The following UBE2D2 variants were observed in gnomAD, a reference collection of about 807,000 sequenced individuals.
UBE2D2 encodes ubiquitin-conjugating enzyme E2 D2.
In UBE2D2, 2 loss-of-function variants were observed where a neutral mutation model predicts 24.2. The ratio of observed to expected loss-of-function variants is 0.08; its 90% CI spans 0.03 to 0.26. UBE2D2 has a LOEUF of 0.26. Ranked by LOEUF, UBE2D2 falls within the 10% of genes least tolerant of loss-of-function variation. The pLI, the probability that UBE2D2 is intolerant of heterozygous loss-of-function variation, is 1.00. For synonymous variants in UBE2D2, 58 were observed against 56.5 expected (o/e 1.03, Z -0.12); for missense variants, 44 against 177.6 (o/e 0.25, Z 4.28).
At chr5:139,623,548 GC>G in intron 6 of UBE2D2, 87 bp downstream of exon 6, 2 of 1,095,876 alleles carry the variant, frequency 1.8e-6, no homozygotes, top group Non-Finnish European at 2.7e-6. Context: ...CTGAATATCG[GC>G]CAGATATTTA....
At chr5:139,555,721 G>GA (rs1752972425) in intron 1 of UBE2D2, among the ~76,000 whole-genome samples, 1 of 151,164 alleles carries the variant, frequency 6.6e-6, no homozygotes, top group Non-Finnish European at 1.5e-5. Flanking sequence ...GAGGTCAAGA[G>GA]ATAGAGATCA....
In UBE2D2 at chr5:139,573,301, C is replaced by CA. The variant is rs1051847278; in HGVS notation, c.24+11497dup. ...TGGACGACAGAGCGAAACTCCATCT[C>CA]AAAAAAAAAAAGAAAAAAAAAAAAG... On this transcript the variant is annotated intron_variant, in intron 1 of 6. Transcript: ENST00000398733. 7.4e-3 allele frequency among the ~76,000 whole-genome samples: 700 copies of CA among 94,910 alleles called. 4 individuals carry two copies. The highest frequency in any genetic ancestry group is 0.027 in the Middle Eastern group (4 of 150). 62.3% of individuals were successfully genotyped at this position (94,910 alleles called of 152,430 possible).
chr5:139,561,667 C>A lies in UBE2D2; in HGVS notation c.-125C>A. On this transcript the variant is annotated 5_prime_UTR_variant, in exon 1 of 7. Transcript: ENST00000398733. ...CAGCCCGTCCCGCCGGACCCGCTTT[C>A]CTCAACTCTCCATCTTCTCCTGCCG... 1.4e-6 allele frequency: 1 copy of A among 703,336 alleles called. No homozygotes were observed. Among genetic ancestry groups the A allele is most frequent in the Non-Finnish European group, 2.2e-6 (1 of 460,038 alleles). The allele number at this position is 703,336 out of a possible 1,614,324, so 43.6% of individuals were successfully genotyped here.
chr5:139,527,807 C>T (rs780489634), intron 1 of UBE2D2, among the ~76,000 whole-genome samples: 1 of 152,176 alleles, frequency 6.6e-6, no homozygotes, highest in Admixed American at 6.5e-5. Context: ...AATAAGGCCT[C>T]CTGTGTACTA....
At chr5:139,555,159 C>T (rs1752964725) in intron 1 of UBE2D2, among the ~76,000 whole-genome samples, 1 of 151,916 alleles carries the variant, frequency 6.6e-6, no homozygotes, top group South Asian at 2.1e-4. Flanking sequence ...GATTCTCCTG[C>T]CTCAGCCCCT....
At chr5:139,595,886 T>G (rs1257930165) in intron 1 of UBE2D2, among the ~76,000 whole-genome samples, 1 of 143,634 alleles carries the variant, frequency 7.0e-6, no homozygotes, top group Non-Finnish European at 1.5e-5. Flanking sequence ...TTTTTTGTTT[T>G]TTGTTGTTTT....
At chr5:139,599,326 T>C (rs549501984) in intron 1 of UBE2D2, among the ~76,000 whole-genome samples, 1 of 152,166 alleles carries the variant, frequency 6.6e-6, no homozygotes, top group African/African-American at 2.4e-5. Flanking sequence ...TGGTCCAGTA[T>C]AATTTTGGAA....
At chr5:139,573,636 A>T (rs1753400385) in intron 1 of UBE2D2, among the ~76,000 whole-genome samples, 1 of 151,962 alleles carries the variant, frequency 6.6e-6, no homozygotes, top group Non-Finnish European at 1.5e-5. Context: ...TAATACGACT[A>T]CTTGGGCTTA....
At chr5:139,538,696 C>T (rs1752717724) in intron 1 of UBE2D2, among the ~76,000 whole-genome samples, 1 of 151,936 alleles carries the variant, frequency 6.6e-6, no homozygotes, top group South Asian at 2.1e-4. Context: ...CATGGAAAAA[C>T]CCTGTCTCTA....
Position 139,561,741 on chromosome 5 carries a change from C to CG in UBE2D2, c.-51_-50insG. The stretch of plus-strand genomic sequence containing the variant: ...AGGCTCCCTAGCCCCTTCCCCGTCC[C>CG]TTCCCCGCCCCCGTCCCCGCCCCGG... On this transcript the variant is annotated 5_prime_UTR_variant, in exon 1 of 7. Coordinates refer to ENST00000398733, the MANE Select transcript of UBE2D2 (RefSeq NM_003339.3). 47 of 1,405,844 alleles carry CG rather than the reference C, an allele frequency of 3.3e-5. No individual in the cohort carries two copies. The highest frequency in any genetic ancestry group is 3.8e-5 in the Non-Finnish European group (40 of 1,057,488). 87.1% of individuals were successfully genotyped at this position (1,405,844 alleles called of 1,614,324 possible).
chr5:139,573,794 C>G (rs1753404231), intron 1 of UBE2D2, among the ~76,000 whole-genome samples: 1 of 151,848 alleles, frequency 6.6e-6, no homozygotes, highest in Non-Finnish European at 1.5e-5. Flanking sequence ...ACGGGGAAAC[C>G]CCATCTCCAC....
At chr5:139,601,685 C>A (rs1386319946) in intron 2 of UBE2D2, among the ~76,000 whole-genome samples, 1 of 151,724 alleles carries the variant, frequency 6.6e-6, no homozygotes, top group Non-Finnish European at 1.5e-5. Context: ...CCGAGGCGGG[C>A]GGATCACGAG....
chr5:139,532,353 A>ATT (rs746107839), intron 1 of UBE2D2, among the ~76,000 whole-genome samples: 3 of 81,244 alleles, frequency 3.7e-5, no homozygotes, highest in Non-Finnish European at 2.6e-5. Flanking sequence ...TAGTTTTCGT[A>ATT]TTTTTTTTTT....
intron 1 of UBE2D2, among the ~76,000 whole-genome samples, chr5:139,584,521 TTC>T (rs1753676895): frequency 1.5e-5 from 2 of 132,806 alleles, no homozygotes; most frequent in Admixed American, 7.2e-5. Flanking sequence ...TTTTTCTTTT[TTC>T]TTTTCTTTTC....
intron 1 of UBE2D2, among the ~76,000 whole-genome samples, chr5:139,545,618 G>A (rs1752817683): frequency 6.6e-6 from 1 of 151,160 alleles, no homozygotes; most frequent in South Asian, 2.1e-4. Context: ...TAGAGACAGA[G>A]TTTCACCATC....
intron 2 of UBE2D2, among the ~76,000 whole-genome samples, chr5:139,614,316 A>T (rs887271976): frequency 6.6e-6 from 1 of 151,926 alleles, no homozygotes; most frequent in African/African-American, 2.4e-5. Context: ...CAGTCCTCTC[A>T]CCTCAGCTTC....
intron 1 of UBE2D2, among the ~76,000 whole-genome samples, chr5:139,529,423 T>G (rs1176284630): frequency 6.6e-6 from 1 of 152,112 alleles, no homozygotes; most frequent in Non-Finnish European, 1.5e-5. Context: ...GTTCTCTAGA[T>G]TGGAAAAAAA....
chr5:139,547,044 A>G (rs1752840431), intron 1 of UBE2D2, among the ~76,000 whole-genome samples: 1 of 151,590 alleles, frequency 6.6e-6, no homozygotes, highest in South Asian at 2.1e-4. Flanking sequence ...TAATCCCAGC[A>G]TTTTGGGAGG....
chr5:139,538,735 T>C (rs1752718305), intron 1 of UBE2D2, among the ~76,000 whole-genome samples: 1 of 151,916 alleles, frequency 6.6e-6, no homozygotes, highest in East Asian at 1.9e-4. Context: ...TAGCCGGGCA[T>C]GGTGGCGCAT....
Sources: gnomAD v4.1 joint callset for allele counts (sites outside exome capture counted in the v4.1 genomes callset) on GRCh38, gnomAD v4.1.1 for gene constraint, MANE v1.5 for transcripts, NCBI Gene and HGNC (gene_info 2026-07-23, HGNC 2026-07-21) for gene names.